The following SEC23A variants were observed in gnomAD, a reference collection of about 807,000 sequenced individuals.
SEC23A encodes the protein protein transport protein Sec23A.
In SEC23A, 56 loss-of-function variants were observed where a neutral mutation model predicts 103.7. The observed-to-expected ratio is 0.54, with a 90% CI of 0.44 to 0.67. The LOEUF (loss-of-function observed/expected upper bound fraction) is 0.67. Ranked by LOEUF, SEC23A falls within the 30% of genes least tolerant of loss-of-function variation. The pLI is 0.00. For missense variants in SEC23A, 784 were observed against 936.4 expected, an observed-to-expected ratio of 0.84 and a Z score of 2.12; for synonymous variants, 281 against 293.0, an observed-to-expected ratio of 0.96 and a Z score of 0.42.
chr14:39,056,498 A>G (rs1886255395), intron 13 of SEC23A, among the ~76,000 whole-genome samples: 1 of 149,832 alleles, frequency 6.7e-6, no homozygotes, highest in East Asian at 2.0e-4. Context: ...TTTTGGAGAC[A>G]GAGTCTTGCT....
chr14:39,040,945 G>T, intron 17 of SEC23A, 58 bp from the exon 18 acceptor site: 1 of 1,529,066 alleles, frequency 6.5e-7, no homozygotes, highest in Non-Finnish European at 8.8e-7. Context: ...CAAAAATCTT[G>T]AGATTTTTCC....
At chr14:39,061,617 G>T in intron 13 of SEC23A, 148 bp downstream of exon 13, 1 of 668,492 alleles carries the variant, frequency 1.5e-6, no homozygotes. Flanking sequence ...TAGCAAATAA[G>T]CTGGGTTAGA....
chr14:39,050,774 T>C (rs1051281881), intron 14 of SEC23A, among the ~76,000 whole-genome samples: 17 of 150,784 alleles, frequency 1.1e-4, no homozygotes, highest in Admixed American at 3.3e-4. Context: ...GTAAGTAATA[T>C]GGCAAGATCC....
At chr14:39,083,389 C>T (rs2139269660) in intron 7 of SEC23A, among the ~76,000 whole-genome samples, 1 of 152,052 alleles carries the variant, frequency 6.6e-6, no homozygotes, top group African/African-American at 2.4e-5. Flanking sequence ...GGAAGCCCCT[C>T]CCTACTTGAG....
At chr14:39,049,796 A>AT (rs111327005) in intron 14 of SEC23A, among the ~76,000 whole-genome samples, 89,634 of 145,914 alleles carry the variant, frequency 0.61, 27,468 homozygotes, top group African/African-American at 0.66. Flanking sequence ...GAAAAAAACA[A>AT]TTTTTTTTTT....
intron 9 of SEC23A, among the ~76,000 whole-genome samples, chr14:39,072,376 T>C (rs1242253489): frequency 6.6e-6 from 1 of 152,014 alleles, no homozygotes; most frequent in Non-Finnish European, 1.5e-5. Flanking sequence ...GGGTAAAGAA[T>C]CTGAATAGAC....
At chr14:39,060,418 G>GAAGCTAGA (rs1461680110) in intron 13 of SEC23A, among the ~76,000 whole-genome samples, 1 of 152,148 alleles carries the variant, frequency 6.6e-6, no homozygotes, top group Non-Finnish European at 1.5e-5. Context: ...TTTCAGGAAT[G>GAAGCTAGA]AAGCTAGAGT....
chr14:39,064,397 T>C (rs34673321), intron 11 of SEC23A, among the ~76,000 whole-genome samples: 26,469 of 152,176 alleles, frequency 0.17, 2,948 homozygotes, highest in Non-Finnish European at 0.23. Context: ...TTTGGTTACT[T>C]TTTTGAAAAT....
intron 8 of SEC23A, 141 bp downstream of exon 8, chr14:39,075,794 T>C (rs1886993709): frequency 5.5e-6 from 4 of 726,698 alleles, no homozygotes; most frequent in African/African-American, 1.8e-5. Flanking sequence ...AAAAAATGAA[T>C]ATTTCTCCAA....
At chr14:39,066,051 C>A (rs1886657407) in intron 10 of SEC23A, among the ~76,000 whole-genome samples, 1 of 142,390 alleles carries the variant, frequency 7.0e-6, no homozygotes, top group Admixed American at 7.2e-5. Context: ...TCACACTCCT[C>A]TAGAAGTCTA....
chr14:39,055,125 A>G lies in SEC23A; in HGVS notation c.1659+18T>C. On this transcript the variant is annotated intron_variant, in intron 14 of 19. Transcript: ENST00000307712. ...TGAAAGCATACAGATTTAGAAAAGC[A>G]CAGTGTTTATTTCTTACCAGTCGAA... The G allele has an allele frequency of 5.6e-6, 9 of 1,614,032 alleles. No individual in the cohort carries two copies. The highest frequency in any genetic ancestry group is 6.8e-6 in the Non-Finnish European group (8 of 1,179,912).
At chr14:39,094,191 C>T (rs1182949299) in intron 2 of SEC23A, among the ~76,000 whole-genome samples, 1 of 145,986 alleles carries the variant, frequency 6.8e-6, no homozygotes, top group Non-Finnish European at 1.5e-5. Flanking sequence ...CCAGCATATA[C>T]ATATACATAT....
intron 18 of SEC23A, chr14:39,040,045 A>C (rs781668917): frequency 6.6e-6 from 1 of 152,286 alleles, no homozygotes; most frequent in Non-Finnish European, 1.5e-5. Context: ...AATACAAAGC[A>C]TAGTCCCTGC....
intron 9 of SEC23A, among the ~76,000 whole-genome samples, chr14:39,073,546 G>C (rs932354644): frequency 6.7e-6 from 1 of 148,946 alleles, no homozygotes; most frequent in Non-Finnish European, 1.5e-5. Context: ...CTCCCACCTC[G>C]GCTTCTCAAA....
intron 13 of SEC23A, 127 bp downstream of exon 13, chr14:39,061,638 T>A (rs1049903609): frequency 2.1e-5 from 15 of 715,010 alleles, no homozygotes; most frequent in Non-Finnish European, 3.8e-5. Flanking sequence ...AAGAAATAAA[T>A]AAAATACTAT....
In SEC23A at chr14:39,064,927, AG is replaced by A; in HGVS notation, c.1293del (p.Cys432ValfsTer7). ...ACACAACTTACATTTTCAGACACACAGGGTCCTTTAGAATTGAGTGACACAC... is the reference window on the plus strand; with the variant it reads ...ACACAACTTACATTTTCAGACACACAGGTCCTTTAGAATTGAGTGACACAC... ...GPCVSLNSKG[P>X]CVSENEIGTG... On this transcript the variant is annotated frameshift_variant, in exon 11 of 20. Transcript: ENST00000307712. LOFTEE classifies it high-confidence loss of function. 1.2e-6 allele frequency: 2 copies of A among 1,610,594 alleles called. No individual in the cohort carries two copies. Among genetic ancestry groups the A allele is most frequent in the Non-Finnish European group, 1.7e-6 (2 of 1,176,832 alleles).
chr14:39,084,054 CT>C (rs1282236364), intron 7 of SEC23A, among the ~76,000 whole-genome samples: 23 of 152,078 alleles, frequency 1.5e-4, no homozygotes, highest in Non-Finnish European at 2.8e-4. Flanking sequence ...TGGAGTCTCT[CT>C]CTGTTGCCCA....
intron 9 of SEC23A, among the ~76,000 whole-genome samples, chr14:39,073,603 CT>C (rs905464578): frequency 3.9e-3 from 331 of 83,918 alleles, no homozygotes; most frequent in African/African-American, 9.3e-3. Flanking sequence ...TCTGATTCCT[CT>C]TTTTTTTTTT....
At chr14:39,051,795 T>G (rs1169732478) in intron 14 of SEC23A, among the ~76,000 whole-genome samples, 3 of 151,682 alleles carry the variant, frequency 2.0e-5, no homozygotes, top group Non-Finnish European at 4.4e-5. Context: ...AAATCCCGTC[T>G]CTACTAAAAA....
Sources: allele counts gnomAD v4.1 joint callset (sites outside exome capture counted in the v4.1 genomes callset), GRCh38; gene constraint gnomAD v4.1.1; transcripts MANE v1.5; gene names NCBI Gene and HGNC (gene_info 2026-07-23, HGNC 2026-07-21).